Variants in HOATZ observed in about 807,000 individuals in gnomAD.
HOATZ encodes the protein HOATZ cilia and flagella associated protein, also known as cilia- and flagella-associated protein HOATZ.
Under a neutral mutation model 24.9 loss-of-function variants are expected in HOATZ, and 26 were observed. The ratio of observed to expected loss-of-function variants is 1.04; its 90% CI spans 0.76 to 1.45. The LOEUF is 1.45. Ranked by LOEUF, HOATZ falls within the 40% of genes most tolerant of loss-of-function variation. HOATZ has a pLI of 0.00. For synonymous variants in HOATZ, 83 were observed against 76.6 expected, an observed-to-expected ratio of 1.08 and a Z score of -0.43; for missense variants, 226 against 201.5, an observed-to-expected ratio of 1.12 and a Z score of -0.74.
intron 3 of HOATZ, among the ~76,000 whole-genome samples, chr11:111,522,513 C>T (rs144700880): frequency 7.5e-4 from 114 of 152,334 alleles, no homozygotes; most frequent in African/African-American, 2.5e-3. Context: ...GCAATTATAT[C>T]AGAGCCAGAT....
At chr11:111,524,108 A>G (rs879758073) in intron 3 of HOATZ, among the ~76,000 whole-genome samples, 108 of 152,234 alleles carry the variant, frequency 7.1e-4, no homozygotes, top group Admixed American at 3.2e-3. Context: ...TGTCTGGACC[A>G]AATTCTGCAT....
At position 111,514,884 on chromosome 11, in the gene HOATZ, G is replaced by T. The variant is rs1399152048; in HGVS notation, c.100G>T (p.Ala34Ser). 3.1e-6 allele frequency: 5 copies of T among 1,614,008 alleles called. No individual in the cohort carries two copies. Among genetic ancestry groups the T allele is most frequent in the Non-Finnish European group, 4.2e-6 (5 of 1,180,022 alleles). The change falls in exon 1 of 6, where the codon GCC becomes TCC. Residue 34 changes from alanine to serine, a missense_variant. Physicochemically the swap from Ala to Ser is moderately conservative, Grantham distance 99 (BLOSUM62 1). Coordinates refer to ENST00000375618, the MANE Select transcript of HOATZ (RefSeq NM_001100388.2). ...ATTTGCTGGCTCCTCGGAACAAGAT[G>T]CCAACTTGGCTAAGCAGTTCTGGAT... is the stretch of plus-strand genomic sequence containing the variant. ...LVFAGSSEQD[A>S]NLAKQFWISA...
rs1262917862 is a variant in HOATZ at position 111,517,350 on chromosome 11, G to A, written c.339+1240G>A. 2.0e-5 allele frequency among the ~76,000 whole-genome samples: 3 copies of A among 152,140 alleles called. No individual in the cohort carries two copies. In the East Asian group the frequency reaches 5.8e-4, roughly 29 times the overall value. On this transcript the variant is annotated intron_variant, in intron 3 of 5. Coordinates refer to ENST00000375618, the MANE Select transcript of HOATZ (RefSeq NM_001100388.2). Reference sequence around the variant, plus strand: ...TTAATTTTCATTTTATTTCATTTTAGGAAAGGATTAGAAATAAAAGGTTAA... The same window carrying A: ...TTAATTTTCATTTTATTTCATTTTAAGAAAGGATTAGAAATAAAAGGTTAA...
At chr11:111,523,135 G>A (rs1867289167) in intron 3 of HOATZ, among the ~76,000 whole-genome samples, 1 of 147,538 alleles carries the variant, frequency 6.8e-6, no homozygotes, top group Admixed American at 6.8e-5. Context: ...ACAAGATGAT[G>A]TTTTGCCTCT....
At chr11:111,529,697 A>C (rs1867375740) in intron 3 of HOATZ, among the ~76,000 whole-genome samples, 1 of 152,144 alleles carries the variant, frequency 6.6e-6, no homozygotes, top group African/African-American at 2.4e-5. Context: ...CAGTCCAAAA[A>C]TTTCAATCAT....
chr11:111,535,566 C>T (rs754587084), intron 5 of HOATZ: 4 of 152,188 alleles, frequency 2.6e-5, no homozygotes, highest in Non-Finnish European at 4.4e-5. Context: ...TTACTTAATT[C>T]CTTTTGTAAA....
chr11:111,522,170 A>G (rs980897022), intron 3 of HOATZ, among the ~76,000 whole-genome samples: 1 of 152,238 alleles, frequency 6.6e-6, no homozygotes, highest in Admixed American at 6.5e-5. Flanking sequence ...CGCTGAGATA[A>G]TATTGGGCAA....
At chr11:111,517,232 T>C (rs1182191057) in intron 3 of HOATZ, among the ~76,000 whole-genome samples, 1 of 148,894 alleles carries the variant, frequency 6.7e-6, no homozygotes, top group Non-Finnish European at 1.5e-5. Flanking sequence ...TATTATGTAC[T>C]GTATATTTAT....
intron 3 of HOATZ, among the ~76,000 whole-genome samples, chr11:111,529,977 A>C (rs1216729721): frequency 6.6e-6 from 1 of 152,220 alleles, no homozygotes; most frequent in Non-Finnish European, 1.5e-5. Flanking sequence ...TTGAATCGTA[A>C]GAATTCCTTC....
intron 3 of HOATZ, among the ~76,000 whole-genome samples, chr11:111,521,976 G>A (rs114808319): frequency 0.021 from 3,254 of 152,210 alleles, 105 homozygotes; most frequent in African/African-American, 0.074. Context: ...CACTGCCTAC[G>A]GGGTAGCCCT....
At chr11:111,522,625 G>A (rs564923311) in intron 3 of HOATZ, among the ~76,000 whole-genome samples, 2 of 152,268 alleles carry the variant, frequency 1.3e-5, no homozygotes, top group East Asian at 1.9e-4. Context: ...AGAGCCTGAC[G>A]ATACAGTCAT....
At chr11:111,529,477 C>T (rs1867373050) in intron 3 of HOATZ, among the ~76,000 whole-genome samples, 1 of 152,108 alleles carries the variant, frequency 6.6e-6, no homozygotes, top group African/African-American at 2.4e-5. Context: ...GATTCTCCTG[C>T]CTCAGCCTCC....
intron 3 of HOATZ, among the ~76,000 whole-genome samples, chr11:111,524,154 G>A (rs1322748718): frequency 2.6e-5 from 4 of 152,190 alleles, no homozygotes; most frequent in Non-Finnish European, 4.4e-5. Context: ...GTCATATAAA[G>A]TATTCATTTA....
intron 3 of HOATZ, among the ~76,000 whole-genome samples, chr11:111,525,406 G>A (rs995160664): frequency 1.3e-5 from 2 of 152,142 alleles, no homozygotes; most frequent in Non-Finnish European, 2.9e-5. Context: ...GCTGCCAATA[G>A]ATAAAATAGC....
chr11:111,536,708 T>A, intron 5 of HOATZ, 62 bp from the exon 6 acceptor site: 1 of 1,318,578 alleles, frequency 7.6e-7, no homozygotes, highest in Non-Finnish European at 1.1e-6. Context: ...GTTTTCATGC[T>A]ACATCATGTT....
intron 3 of HOATZ, among the ~76,000 whole-genome samples, chr11:111,521,694 T>A (rs1867270415): frequency 6.6e-6 from 1 of 152,238 alleles, no homozygotes; most frequent in Admixed American, 6.5e-5. Context: ...GGAAGAGTCA[T>A]AAAAACAGAC....
chr11:111,519,689 T>C (rs1194574846), intron 3 of HOATZ, among the ~76,000 whole-genome samples: 1 of 152,180 alleles, frequency 6.6e-6, no homozygotes, highest in African/African-American at 2.4e-5. Context: ...TAACGAAGCA[T>C]TTACAATGAT....
chr11:111,520,416 T>C (rs750368857), intron 3 of HOATZ, among the ~76,000 whole-genome samples: 4 of 152,202 alleles, frequency 2.6e-5, no homozygotes, highest in Admixed American at 6.5e-5. Flanking sequence ...CAAAGGTTTT[T>C]ACAGGGAAAA....
intron 3 of HOATZ, chr11:111,524,929 A>T (rs1402889513): frequency 1.1e-5 from 5 of 439,958 alleles, no homozygotes; most frequent in African/African-American, 4.1e-5. Context: ...TGGCATGATC[A>T]TGGCTCACTG....
Sources: gnomAD v4.1 joint callset for allele counts (sites outside exome capture counted in the v4.1 genomes callset) on GRCh38, gnomAD v4.1.1 for gene constraint, MANE v1.5 for transcripts, NCBI Gene and HGNC (gene_info 2026-07-23, HGNC 2026-07-21) for gene names.